The following CLMP variants were observed in gnomAD, a reference collection of about 807,000 sequenced individuals.
CLMP encodes CXADR like cell adhesion molecule.
A neutral mutation model predicts 45.2 loss-of-function variants in CLMP; 27 were observed. The ratio of observed to expected loss-of-function variants is 0.60; its 90% confidence interval spans 0.44 to 0.82. The LOEUF is 0.82. CLMP is among the 40% of genes least tolerant of loss of function. CLMP has a pLI of 0.00. For missense variants in CLMP, 403 were observed against 448.4 expected (o/e 0.90, Z 0.91); for synonymous variants, 167 against 171.4 (o/e 0.97, Z 0.20).
intron 1 of CLMP, among the ~76,000 whole-genome samples, chr11:123,163,021 G>C (rs912272406): frequency 1.6e-4 from 24 of 152,146 alleles, no homozygotes; most frequent in African/African-American, 4.6e-4. Context: ...AGGAAAGTGG[G>C]TACCTGTACC....
At chr11:123,099,822 G>T (rs967065505) in intron 1 of CLMP, among the ~76,000 whole-genome samples, 1 of 152,180 alleles carries the variant, frequency 6.6e-6, no homozygotes, top group Non-Finnish European at 1.5e-5. Context: ...TCTTGCCGCA[G>T]TGAGCACAGT....
chr11:123,083,992 T>G, intron 3 of CLMP, 145 bp from the exon 4 acceptor site: 1 of 852,870 alleles, frequency 1.2e-6, no homozygotes, highest in Non-Finnish European at 1.8e-6. Flanking sequence ...TAGCCTTGCT[T>G]TACACTACCC....
At chr11:123,129,420 T>G (rs951378207) in intron 1 of CLMP, among the ~76,000 whole-genome samples, 88 of 140,214 alleles carry the variant, frequency 6.3e-4, no homozygotes, top group African/African-American at 2.4e-3. Flanking sequence ...ATATGATATA[T>G]TATATAAAAT....
At chr11:123,148,465 A>G (rs991948283) in intron 1 of CLMP, among the ~76,000 whole-genome samples, 4 of 152,228 alleles carry the variant, frequency 2.6e-5, no homozygotes, top group Non-Finnish European at 5.9e-5. Flanking sequence ...AACCCCATGA[A>G]CAGGAATAGC....
chr11:123,175,042 C>T (rs2135543782), intron 1 of CLMP, among the ~76,000 whole-genome samples: 1 of 152,300 alleles, frequency 6.6e-6, no homozygotes, highest in Middle Eastern at 3.4e-3. Flanking sequence ...CAGCCTTAAA[C>T]TCCTGAGATC....
At chr11:123,188,374 C>T (rs1181686106) in intron 1 of CLMP, among the ~76,000 whole-genome samples, 1 of 152,118 alleles carries the variant, frequency 6.6e-6, no homozygotes, top group African/African-American at 2.4e-5. Context: ...GTCAGCTTAG[C>T]TTGGCTTTTT....
At chr11:123,126,757 C>T (rs367633237) in intron 1 of CLMP, among the ~76,000 whole-genome samples, 16 of 151,874 alleles carry the variant, frequency 1.1e-4, no homozygotes, top group South Asian at 2.1e-4. Context: ...ATTAGCCAGG[C>T]GTGGTGGTGG....
chr11:123,092,144 A>T lies in CLMP; in HGVS notation c.186+5651T>A, dbSNP rs565352780. On this transcript the variant is annotated intron_variant, in intron 2 of 6. Transcript: ENST00000448775. Reference sequence around the variant, plus strand: ...TGTATATAGCCTTTCTCGACTCCCCAGTTAGAATGGTGACTCCCTGCTTCA... The same window carrying T: ...TGTATATAGCCTTTCTCGACTCCCCTGTTAGAATGGTGACTCCCTGCTTCA... Among the ~76,000 whole-genome samples, 13 of 152,134 alleles carry T rather than the reference A, an allele frequency of 8.5e-5. No homozygotes were observed. In the South Asian group the frequency reaches 1.9e-3, roughly 22 times the overall value.
At chr11:123,122,425 C>A (rs192892227) in intron 1 of CLMP, among the ~76,000 whole-genome samples, 1 of 152,114 alleles carries the variant, frequency 6.6e-6, no homozygotes, top group Non-Finnish European at 1.5e-5. Context: ...CTGTCGACTG[C>A]GATACTGACT....
chr11:123,178,435 C>T lies in CLMP; in HGVS notation c.28+16478G>A, dbSNP rs80211940. 2.9e-3 allele frequency among the ~76,000 whole-genome samples: 443 copies of T among 152,306 alleles called. 19 individuals carry two copies. The East Asian group carries it at 0.046, about 16-fold the overall frequency. On this transcript the variant is annotated intron_variant, in intron 1 of 6. Coordinates refer to ENST00000448775, the MANE Select transcript of CLMP (RefSeq NM_024769.5). ...CACTCTAGCATTTTTCTCATTTTCGCAAAGACACCCAAGCTGAATCCTAGC... is the reference window on the plus strand; with the variant it reads ...CACTCTAGCATTTTTCTCATTTTCGTAAAGACACCCAAGCTGAATCCTAGC...
At chr11:123,097,618 C>A (rs1866005474) in intron 2 of CLMP, among the ~76,000 whole-genome samples, 177 bp downstream of exon 2, 1 of 152,144 alleles carries the variant, frequency 6.6e-6, no homozygotes, top group African/African-American at 2.4e-5. Context: ...TGTGAGCCAC[C>A]ACACCCAGCA....
chr11:123,082,987 CT>C, intron 5 of CLMP, 97 bp downstream of exon 5: 1 of 1,448,904 alleles, frequency 6.9e-7, no homozygotes, highest in Non-Finnish European at 9.4e-7. Context: ...AGATTTTGAC[CT>C]TAACCTTACT....
chr11:123,163,296 C>T (rs1190072438), intron 1 of CLMP, among the ~76,000 whole-genome samples: 1 of 152,070 alleles, frequency 6.6e-6, no homozygotes, highest in East Asian at 1.9e-4. Flanking sequence ...GGTGTTTCAG[C>T]TAGGAATTAA....
rs182298584 is a variant in CLMP at position 123,161,142 on chromosome 11, T to G, written c.28+33771A>C. Among the ~76,000 whole-genome samples, 389 of 152,344 alleles carry G rather than the reference T, an allele frequency of 2.6e-3. 1 individual carries two copies. Among genetic ancestry groups the G allele is most frequent in the Non-Finnish European group, 4.1e-3 (278 of 68,034 alleles). The stretch of plus-strand genomic sequence containing the variant: ...TACTAGGTATGTACCAGGTGCCTAC[T>G]ACGTGCCCAGCCCTGGGCCTAGCCC... On this transcript the variant is annotated intron_variant, in intron 1 of 6. Coordinates refer to ENST00000448775, the MANE Select transcript of CLMP (RefSeq NM_024769.5).
At chr11:123,137,692 A>G (rs938010194) in intron 1 of CLMP, among the ~76,000 whole-genome samples, 7 of 151,830 alleles carry the variant, frequency 4.6e-5, no homozygotes, top group African/African-American at 1.7e-4. Flanking sequence ...TGAGCCTAAA[A>G]CCTCTCTCGA....
At chr11:123,122,608 T>C (rs11218996) in intron 1 of CLMP, among the ~76,000 whole-genome samples, 41,172 of 152,010 alleles carry the variant, frequency 0.27, 5,735 homozygotes, top group Admixed American at 0.32. Context: ...GAAAAAGCTT[T>C]TATTTCCCAA....
chr11:123,101,827 G>C lies in CLMP; in HGVS notation c.29-3875C>G, dbSNP rs544341913. On this transcript the variant is annotated intron_variant, in intron 1 of 6. Transcript: ENST00000448775. ...GGAGGCCATCAGGCTGGGAAGGAGA[G>C]ACTAAATCCTGGTAAGGCACAGGCA... Among the ~76,000 whole-genome samples, 123 of 152,344 alleles carry C rather than the reference G, an allele frequency of 8.1e-4. 2 individuals carry two copies.
At chr11:123,172,890 G>C (rs907281185) in intron 1 of CLMP, among the ~76,000 whole-genome samples, 3 of 152,184 alleles carry the variant, frequency 2.0e-5, no homozygotes, top group African/African-American at 7.2e-5. Context: ...TCCTGAAGCT[G>C]ACTTTTAAAT....
At chr11:123,164,103 T>C (rs1274160013) in intron 1 of CLMP, among the ~76,000 whole-genome samples, 1 of 152,200 alleles carries the variant, frequency 6.6e-6, no homozygotes, top group Non-Finnish European at 1.5e-5. Context: ...GGGGAAGTAC[T>C]AAATAATTTG....
Sources: allele counts gnomAD v4.1 joint callset (sites outside exome capture counted in the v4.1 genomes callset), GRCh38; gene constraint gnomAD v4.1.1; transcripts MANE v1.5; gene names NCBI Gene and HGNC (gene_info 2026-07-23, HGNC 2026-07-21).